Variants in EXTL3 observed in about 807,000 individuals in gnomAD.
EXTL3 encodes the protein exostosin like glycosyltransferase 3.
In EXTL3, 27 loss-of-function variants were observed where a neutral mutation model predicts 69.3. The observed-to-expected ratio is 0.39, with a 90% CI of 0.29 to 0.54. The LOEUF is 0.54. EXTL3 is among the 20% of genes least tolerant of loss of function. The pLI, the probability that EXTL3 is intolerant of heterozygous loss-of-function variation, is 0.69. For synonymous variants in EXTL3, 511 were observed against 499.4 expected (o/e 1.02, Z -0.31); for missense variants, 1,003 against 1,231.8 (o/e 0.81, Z 2.78).
At chr8:28,660,909 G>A (rs544934892) in intron 1 of EXTL3, among the ~76,000 whole-genome samples, 86 of 44,276 alleles carry the variant, frequency 1.9e-3, no homozygotes, top group East Asian at 0.018. Context: ...TCTTTTGTTC[G>A]TTTCTTTTTT....
rs550331339 is a variant in EXTL3 at position 28,623,400 on chromosome 8, A to T, written c.-53+590A>T. 2.0e-5 allele frequency among the ~76,000 whole-genome samples: 3 copies of T among 152,194 alleles called. No homozygotes were observed. The highest frequency in any genetic ancestry group is 4.4e-5 in the Non-Finnish European group (3 of 68,032). On this transcript the variant is annotated intron_variant, in intron 1 of 6. Coordinates refer to the EXTL3 transcript ENST00000523149. This position sits in a 1 kb window ranked among gnomAD's most constrained non-coding sequence, Gnocchi z 4.2. ...TCAGCACAGCTGACTTTAATTTGGG[A>T]TCCCACAATTTGAGCTTTTCAAAAG...
rs2130793315 is a variant in EXTL3 at position 28,743,169 on chromosome 8, C to T, written c.2505C>T (p.Ala835=). Residue 835 remains alanine (A), a synonymous_variant, in exon 6 of 7, where the codon GCC becomes GCT. Transcript: ENST00000220562. Reference sequence around the variant, plus strand: ...AATACATCAACTGTGAGGACATTGCCATGAACTTCCTTGTCTCCCACATCA... The same window carrying T: ...AATACATCAACTGTGAGGACATTGCTATGAACTTCCTTGTCTCCCACATCA... ...VDEYINCEDI[A]MNFLVSHITR... is the part of the protein sequence containing the mutation. 1 of 1,614,214 alleles carries T rather than the reference C, an allele frequency of 6.2e-7. No homozygotes were observed.
chr8:28,644,790 G>A (rs1256579867), intron 1 of EXTL3, among the ~76,000 whole-genome samples: 2 of 152,094 alleles, frequency 1.3e-5, no homozygotes, highest in Admixed American at 6.6e-5. Flanking sequence ...CTGTATGTAC[G>A]TGGGCTTGTT....
At chr8:28,731,164 T>C in intron 3 of EXTL3, 59 bp from the exon 4 acceptor site, 1 of 1,611,330 alleles carries the variant, frequency 6.2e-7, no homozygotes, top group Non-Finnish European at 8.5e-7. Flanking sequence ...AAATACAGAT[T>C]TTGTTTGGCC....
intron 1 of EXTL3, among the ~76,000 whole-genome samples, chr8:28,625,323 C>T (rs1174104782): frequency 2.6e-5 from 4 of 152,244 alleles, no homozygotes; most frequent in African/African-American, 7.2e-5. Flanking sequence ...TCAGAAGAAC[C>T]ATAAAGACAT....
At chr8:28,654,773 C>G (rs1054857774) in intron 1 of EXTL3, among the ~76,000 whole-genome samples, 1 of 152,076 alleles carries the variant, frequency 6.6e-6, no homozygotes, top group Admixed American at 6.6e-5. Context: ...TTTTCATACC[C>G]CAATTTTGTT....
chr8:28,755,823 A>G (rs537922699), downstream of EXTL3, among the ~76,000 whole-genome samples: 3 of 151,684 alleles, frequency 2.0e-5, no homozygotes, highest in South Asian at 4.3e-4. Context: ...CTTACATTCT[A>G]TTGATTTAAA....
intron 1 of EXTL3, among the ~76,000 whole-genome samples, 175 bp from the exon 2 acceptor site, chr8:28,713,282 C>CGAA (rs1801069163): frequency 6.6e-6 from 1 of 152,142 alleles, no homozygotes; most frequent in Non-Finnish European, 1.5e-5. Context: ...TCTCCCTTTC[C>CGAA]ACTTCAAAGA....
At chr8:28,653,261 T>A (rs532357854) in intron 1 of EXTL3, among the ~76,000 whole-genome samples, 1 of 152,362 alleles carries the variant, frequency 6.6e-6, no homozygotes, top group East Asian at 1.9e-4. Context: ...TTACGTATTC[T>A]GGACATCAAA....
chr8:28,647,471 CTG>C (rs1378171988), intron 1 of EXTL3, among the ~76,000 whole-genome samples: 1 of 152,182 alleles, frequency 6.6e-6, no homozygotes, highest in African/African-American at 2.4e-5. Flanking sequence ...TTCTCATTAA[CTG>C]TGTGAGGCAG....
intron 5 of EXTL3, chr8:28,740,055 C>G (rs868555478): frequency 6.6e-6 from 1 of 152,208 alleles, no homozygotes; most frequent in African/African-American, 2.4e-5. Flanking sequence ...GCGCCCAAAC[C>G]TCAGTTGGCT....
chr8:28,657,919 C>G (rs1406258870), intron 1 of EXTL3, among the ~76,000 whole-genome samples: 1 of 152,200 alleles, frequency 6.6e-6, no homozygotes, highest in African/African-American at 2.4e-5. Flanking sequence ...TCGACCTTCC[C>G]TTCCTCTTTC....
chr8:28,647,417 G>T (rs1806850257), intron 1 of EXTL3, among the ~76,000 whole-genome samples: 1 of 152,166 alleles, frequency 6.6e-6, no homozygotes. Flanking sequence ...GACAGCCACT[G>T]TGTGGAATGA....
chr8:28,628,305 T>C (rs568792760), intron 1 of EXTL3, among the ~76,000 whole-genome samples: 37 of 151,998 alleles, frequency 2.4e-4, no homozygotes, highest in African/African-American at 8.9e-4. Context: ...GAGGTTGCAG[T>C]GAGCTGAGAT....
intron 1 of EXTL3, among the ~76,000 whole-genome samples, chr8:28,682,391 T>C (rs1184065313): frequency 6.6e-6 from 1 of 152,194 alleles, no homozygotes; most frequent in Non-Finnish European, 1.5e-5. Context: ...TCCCATTCTG[T>C]AGGTTGTCTC....
intron 6 of EXTL3, among the ~76,000 whole-genome samples, chr8:28,746,707 C>A (rs1403839054): frequency 6.6e-6 from 1 of 152,014 alleles, no homozygotes; most frequent in African/African-American, 2.4e-5. Context: ...GATGGAGTCT[C>A]GCTCTTTTGC....
At chr8:28,663,474 A>C (rs1373577891) in intron 1 of EXTL3, among the ~76,000 whole-genome samples, 1 of 151,924 alleles carries the variant, frequency 6.6e-6, no homozygotes. Flanking sequence ...TTTATTTGTG[A>C]TGGTGTCTCG....
chr8:28,655,580 T>C (rs970589696), intron 1 of EXTL3, among the ~76,000 whole-genome samples: 1 of 148,908 alleles, frequency 6.7e-6, no homozygotes, highest in Non-Finnish European at 1.5e-5. Context: ...ATCTTTGACC[T>C]CCCTGGGCTT....
intron 5 of EXTL3, chr8:28,741,219 A>G (rs1369673146): frequency 6.6e-6 from 1 of 152,234 alleles, no homozygotes; most frequent in Non-Finnish European, 1.5e-5. Flanking sequence ...CATTTTTGAC[A>G]GCAAAACCAC....
Sources: gnomAD v4.1 joint callset for allele counts (sites outside exome capture counted in the v4.1 genomes callset) on GRCh38, gnomAD v4.1.1 for gene constraint, Gnocchi (gnomAD v3.1) non-coding constraint, MANE v1.5 for transcripts, NCBI Gene and HGNC (gene_info 2026-07-23, HGNC 2026-07-21) for gene names.